The following NYAP2 variants were observed in gnomAD, a reference collection of about 807,000 sequenced individuals.
NYAP2 encodes the protein neuronal tyrosine-phosphorylated phosphoinositide-3-kinase adaptor 2.
In NYAP2, 23 loss-of-function variants were observed where a neutral mutation model predicts 50.4. The observed-to-expected ratio is 0.46, with a 90% CI of 0.33 to 0.65. The LOEUF (loss-of-function observed/expected upper bound fraction) is 0.65. NYAP2 is among the 30% of genes least tolerant of loss of function. The pLI is 0.02. For missense variants in NYAP2, 885 were observed against 861.0 expected (o/e 1.03, Z -0.35); for synonymous variants, 394 against 365.2 (o/e 1.08, Z -0.90).
intron 3 of NYAP2, among the ~76,000 whole-genome samples, chr2:225,511,766 T>C (rs373301183): frequency 6.6e-6 from 1 of 152,146 alleles, no homozygotes; most frequent in South Asian, 2.1e-4. Context: ...TCATTATTGT[T>C]CCTACTGGAA....
intron 4 of NYAP2, among the ~76,000 whole-genome samples, chr2:225,518,682 A>G (rs555379632): frequency 2.0e-5 from 3 of 148,400 alleles, no homozygotes; most frequent in Non-Finnish European, 4.5e-5. Flanking sequence ...CATATTTCAA[A>G]ATAACATATT....
intron 3 of NYAP2, among the ~76,000 whole-genome samples, chr2:225,451,305 C>CT (rs1182782837): frequency 2.0e-5 from 3 of 151,990 alleles, no homozygotes; most frequent in Non-Finnish European, 4.4e-5. Flanking sequence ...GGCAAAAAGG[C>CT]TTTTTTCTAA....
the NYAP2 span, among the ~76,000 whole-genome samples, chr2:225,672,101 G>C: frequency 1.8e-4 from 27 of 152,048 alleles, no homozygotes; most frequent in South Asian, 8.3e-4. Context: ...GTCACTGGCT[G>C]CATTAACTCC....
In NYAP2 at chr2:225,587,758, T is replaced by C. The variant is rs528759710; in HGVS notation, c.1618+4723T>C. On this transcript the variant is annotated intron_variant, in intron 5 of 6. Transcript: ENST00000636099. Reference sequence around the variant, plus strand: ...CATGGTGGAGCTCCAGAAGCAGGGATGAAAATGAAGGTGCAGACCCACTCA... The same window carrying C: ...CATGGTGGAGCTCCAGAAGCAGGGACGAAAATGAAGGTGCAGACCCACTCA... Among the ~76,000 whole-genome samples, 13 of 151,284 alleles carry C rather than the reference T, an allele frequency of 8.6e-5. No homozygotes were observed. In the East Asian group the frequency reaches 2.5e-3, roughly 29 times the overall value.
chr2:225,424,676 GT>G (rs201483093), intron 3 of NYAP2, among the ~76,000 whole-genome samples: 43 of 151,556 alleles, frequency 2.8e-4, no homozygotes, highest in African/African-American at 1.0e-3. Context: ...AATTTCCTCT[GT>G]TTTTTTAATT....
At chr2:225,510,525 T>A (rs1690792257) in intron 3 of NYAP2, among the ~76,000 whole-genome samples, 1 of 152,218 alleles carries the variant, frequency 6.6e-6, no homozygotes, top group African/African-American at 2.4e-5. Flanking sequence ...ATTCAGAAAC[T>A]AGTTGTATGC....
chr2:225,510,047 T>C (rs886711599), intron 3 of NYAP2, among the ~76,000 whole-genome samples: 12 of 152,174 alleles, frequency 7.9e-5, no homozygotes, highest in Non-Finnish European at 1.6e-4. Flanking sequence ...TTAGTTGGTG[T>C]TTTTCCTTCT....
chr2:225,594,512 G>A (rs1692562745), intron 5 of NYAP2, among the ~76,000 whole-genome samples: 1 of 151,994 alleles, frequency 6.6e-6, no homozygotes, highest in Non-Finnish European at 1.5e-5. Context: ...GACACAGTGA[G>A]ACTCTGTCTA....
chr2:225,596,781 T>C (rs897356647), intron 5 of NYAP2, among the ~76,000 whole-genome samples: 9 of 152,142 alleles, frequency 5.9e-5, no homozygotes, highest in African/African-American at 2.2e-4. Context: ...TTCTTATACA[T>C]AATACTGAAA....
At chr2:225,535,866 T>G (rs1279251116) in intron 4 of NYAP2, among the ~76,000 whole-genome samples, 1 of 152,200 alleles carries the variant, frequency 6.6e-6, no homozygotes, top group Non-Finnish European at 1.5e-5. Flanking sequence ...CCTTCCTTAC[T>G]GGGAAAGATA....
intron 6 of NYAP2, among the ~76,000 whole-genome samples, chr2:225,630,145 G>A (rs1183671270): frequency 6.6e-6 from 1 of 152,188 alleles, no homozygotes; most frequent in Non-Finnish European, 1.5e-5. Context: ...TGGTATAAAG[G>A]ATGAGGGAAG....
chr2:225,464,789 G>A (rs1185278752), intron 3 of NYAP2, among the ~76,000 whole-genome samples: 1 of 152,228 alleles, frequency 6.6e-6, no homozygotes, highest in Non-Finnish European at 1.5e-5. Context: ...AATAGGCACA[G>A]ATGTGCCCTC....
intron 4 of NYAP2, among the ~76,000 whole-genome samples, chr2:225,578,759 T>G (rs958965915): frequency 6.6e-6 from 1 of 152,176 alleles, no homozygotes; most frequent in Non-Finnish European, 1.5e-5. Flanking sequence ...TGTTTTCCAG[T>G]GCCAGAGGAT....
intron 6 of NYAP2, among the ~76,000 whole-genome samples, chr2:225,644,762 C>T (rs1256574626): frequency 5.4e-5 from 8 of 148,320 alleles, no homozygotes; most frequent in African/African-American, 1.5e-4. Flanking sequence ...AGATATGCGG[C>T]GTTATTTCTG....
At chr2:225,568,434 T>C (rs1306160758) in intron 4 of NYAP2, among the ~76,000 whole-genome samples, 1 of 152,186 alleles carries the variant, frequency 6.6e-6, no homozygotes, top group Non-Finnish European at 1.5e-5. Flanking sequence ...AGTCTCATCA[T>C]CCTGCTTCTT....
At chr2:225,477,460 T>C (rs1326269466) in intron 3 of NYAP2, among the ~76,000 whole-genome samples, 1 of 151,920 alleles carries the variant, frequency 6.6e-6, no homozygotes, top group Non-Finnish European at 1.5e-5. Flanking sequence ...ATGGTCTCGA[T>C]CTCCTGACCT....
At chr2:225,605,417 G>T (rs1348973112) in intron 5 of NYAP2, among the ~76,000 whole-genome samples, 1 of 152,154 alleles carries the variant, frequency 6.6e-6, no homozygotes, top group Admixed American at 6.6e-5. Context: ...GGCTGTCTTA[G>T]ATCAGTGACT....
chr2:225,447,261 T>C (rs189551656), intron 3 of NYAP2, among the ~76,000 whole-genome samples: 1 of 152,304 alleles, frequency 6.6e-6, no homozygotes, highest in Non-Finnish European at 1.5e-5. Flanking sequence ...TTAGACCCCA[T>C]TGTTCTTTGA....
intron 4 of NYAP2, among the ~76,000 whole-genome samples, chr2:225,514,787 C>G (rs1404662717): frequency 6.6e-6 from 1 of 152,136 alleles, no homozygotes; most frequent in Admixed American, 6.5e-5. Context: ...AGAGGCGTTC[C>G]ACCAGGTCCC....
Sources: allele counts gnomAD v4.1 joint callset (sites outside exome capture counted in the v4.1 genomes callset), GRCh38; gene constraint gnomAD v4.1.1; transcripts MANE v1.5; gene names NCBI Gene and HGNC (gene_info 2026-07-23, HGNC 2026-07-21).